The following CELF4 variants were observed in gnomAD, a reference collection of about 807,000 sequenced individuals.
The protein encoded by CELF4 is CUGBP Elav-like family member 4, also known as CUG-BP- and ETR-3-like factor 4.
A neutral mutation model predicts 59.9 loss-of-function variants in CELF4; 18 were observed. That is an observed-to-expected ratio of 0.30 (90% confidence interval 0.21 to 0.45). The LOEUF (loss-of-function observed/expected upper bound fraction) is 0.45. Ranked by LOEUF, CELF4 falls within the 20% of genes least tolerant of loss-of-function variation. The pLI is 1.00. For missense variants in CELF4, 456 were observed against 689.0 expected (o/e 0.66, Z 3.79); for synonymous variants, 261 against 267.1 (o/e 0.98, Z 0.22).
intron 2 of CELF4, among the ~76,000 whole-genome samples, chr18:37,449,768 G>A (rs2099758003): frequency 6.6e-6 from 1 of 152,230 alleles, no homozygotes; most frequent in Non-Finnish European, 1.5e-5. Context: ...GCATCTGAGA[G>A]CAGAGCTTTC....
chr18:37,403,335 C>T (rs367975680), intron 2 of CELF4, among the ~76,000 whole-genome samples: 1 of 152,236 alleles, frequency 6.6e-6, no homozygotes, highest in East Asian at 1.9e-4. Flanking sequence ...TCAAAGGGAG[C>T]CTGGGAGCGA....
At chr18:37,408,113 T>C (rs1285248016) in intron 2 of CELF4, among the ~76,000 whole-genome samples, 1 of 152,204 alleles carries the variant, frequency 6.6e-6, no homozygotes, top group Non-Finnish European at 1.5e-5. Context: ...CACTGGATGC[T>C]AGCTCTGTCT....
chr18:37,526,803 G>C (rs1229904597), intron 1 of CELF4, among the ~76,000 whole-genome samples: 1 of 152,154 alleles, frequency 6.6e-6, no homozygotes, highest in Non-Finnish European at 1.5e-5. Context: ...TGTCAACTGG[G>C]CCTAGTTTGA....
intron 2 of CELF4, among the ~76,000 whole-genome samples, chr18:37,351,869 G>A (rs180793691): frequency 2.5e-4 from 38 of 152,156 alleles, no homozygotes; most frequent in African/African-American, 8.4e-4. Flanking sequence ...GCCCACCACA[G>A]TCTCCCAAAG....
chr18:37,496,877 G>T (rs189472579), intron 1 of CELF4, among the ~76,000 whole-genome samples: 88 of 152,312 alleles, frequency 5.8e-4, no homozygotes, highest in Admixed American at 9.8e-4. Context: ...CTGTGACTGG[G>T]ACGCCAGCCT....
rs142669705 is a variant in CELF4 at position 37,511,475 on chromosome 18, T to C, written c.287-25868A>G. Among the ~76,000 whole-genome samples the C allele has an allele frequency of 4.5e-4, 69 of 151,996 alleles. 1 individual carries two copies. In the East Asian group the frequency reaches 9.2e-3, roughly 20 times the overall value. On this transcript the variant is annotated intron_variant, in intron 1 of 12. Coordinates refer to ENST00000420428, the MANE Select transcript of CELF4 (RefSeq NM_020180.4). ...GCCTGGGCCTCCCTCAGGACTTGAA[T>C]CCTAGTCTCGCTCACCCACATTTCA... is the stretch of plus-strand genomic sequence containing the variant.
intron 2 of CELF4, among the ~76,000 whole-genome samples, chr18:37,358,899 C>T (rs2098652581): frequency 6.6e-6 from 1 of 152,030 alleles, no homozygotes; most frequent in African/African-American, 2.4e-5. Flanking sequence ...GTCAGGAGTT[C>T]GAGACCAGCC....
intron 2 of CELF4, among the ~76,000 whole-genome samples, chr18:37,351,281 C>G (rs1401256808): frequency 1.3e-5 from 2 of 152,140 alleles, no homozygotes; most frequent in Non-Finnish European, 2.9e-5. Context: ...TCTTGCATAC[C>G]AGCAGCAGAC....
At chr18:37,335,020 TC>T (rs1352050932) in intron 2 of CELF4, among the ~76,000 whole-genome samples, 3 of 114,992 alleles carry the variant, frequency 2.6e-5, no homozygotes, top group African/African-American at 9.9e-5. Flanking sequence ...CTCCCTCTGC[TC>T]CCCCCTCTCT....
intron 1 of CELF4, among the ~76,000 whole-genome samples, chr18:37,558,381 GTTTT>G (rs140019882): frequency 0.087 from 12,096 of 139,348 alleles, 523 homozygotes; most frequent in East Asian, 0.18. Context: ...CCCTGTAACA[GTTTT>G]TTTTTTTTTT....
At chr18:37,489,103 G>A (rs912199916) in intron 1 of CELF4, among the ~76,000 whole-genome samples, 6 of 152,226 alleles carry the variant, frequency 3.9e-5, no homozygotes, top group African/African-American at 9.6e-5. Context: ...TCTGTGAGGC[G>A]GGAGCGGCTG....
chr18:37,308,241 C>G (rs1443723309), intron 3 of CELF4, among the ~76,000 whole-genome samples: 1 of 152,158 alleles, frequency 6.6e-6, no homozygotes, highest in Non-Finnish European at 1.5e-5. Context: ...ATCGAAGACT[C>G]CCCATCATCT....
intron 11 of CELF4, among the ~76,000 whole-genome samples, chr18:37,255,987 G>A (rs1342650382): frequency 2.6e-5 from 4 of 151,456 alleles, no homozygotes; most frequent in African/African-American, 7.3e-5. Flanking sequence ...GAGTTGAGAA[G>A]CAGTCCAGGG....
At chr18:37,469,806 G>T (rs1273171233) in intron 2 of CELF4, among the ~76,000 whole-genome samples, 1 of 152,188 alleles carries the variant, frequency 6.6e-6, no homozygotes, top group Non-Finnish European at 1.5e-5. Context: ...CTTGCCCACT[G>T]ACTTAACAGG....
chr18:37,259,058 G>A (rs1413909853), intron 11 of CELF4, 123 bp downstream of exon 11: 15 of 1,498,442 alleles, frequency 1.0e-5, no homozygotes, highest in African/African-American at 1.4e-5. Flanking sequence ...TCGGACACCG[G>A]TAGGTTGGTG....
chr18:37,459,143 T>C (rs1459867132), intron 2 of CELF4, among the ~76,000 whole-genome samples: 5 of 152,220 alleles, frequency 3.3e-5, no homozygotes, highest in East Asian at 1.9e-4. Context: ...ACTACCTGCC[T>C]TGTGGTGAAT....
intron 3 of CELF4, among the ~76,000 whole-genome samples, chr18:37,288,699 G>A (rs953678539): frequency 6.6e-6 from 1 of 152,176 alleles, no homozygotes; most frequent in Non-Finnish European, 1.5e-5. Context: ...TGGGCACCTG[G>A]AAGGGCTGCA....
chr18:37,387,751 G>A (rs1258430601), intron 2 of CELF4, among the ~76,000 whole-genome samples: 2 of 152,220 alleles, frequency 1.3e-5, no homozygotes, highest in Non-Finnish European at 2.9e-5. Context: ...AGATCTTCAT[G>A]TCCTGCTTTC....
intron 3 of CELF4, among the ~76,000 whole-genome samples, chr18:37,289,020 C>T (rs2095091881): frequency 6.6e-6 from 1 of 152,212 alleles, no homozygotes; most frequent in Non-Finnish European, 1.5e-5. Flanking sequence ...ATTCACCACT[C>T]AGTCCGGCAG....
Sources: allele counts gnomAD v4.1 joint callset (sites outside exome capture counted in the v4.1 genomes callset), GRCh38; gene constraint gnomAD v4.1.1; transcripts MANE v1.5; gene names NCBI Gene and HGNC (gene_info 2026-07-23, HGNC 2026-07-21).